Variants in NRXN3 observed in about 807,000 individuals in gnomAD.
The protein encoded by NRXN3 is neurexin III.
A neutral mutation model predicts 137.6 loss-of-function variants in NRXN3; 32 were observed. That is an observed-to-expected ratio of 0.23 (90% CI 0.18 to 0.31). The LOEUF is 0.31. NRXN3 is among the 10% of genes least tolerant of loss of function. The probability of loss-of-function intolerance (pLI) is 1.00; values close to 1 mark genes in which losing one functional copy is unlikely to be tolerated. For synonymous variants in NRXN3, 798 were observed against 784.5 expected (o/e 1.02, Z -0.29); for missense variants, 1,574 against 2,062.5 (o/e 0.76, Z 4.59).
At chr14:79,003,642 T>C (rs2099546256) in intron 15 of NRXN3, among the ~76,000 whole-genome samples, 1 of 152,142 alleles carries the variant, frequency 6.6e-6, no homozygotes, top group Non-Finnish European at 1.5e-5. Flanking sequence ...GGGTTTCTGG[T>C]TTATTATCTG....
intron 4 of NRXN3, among the ~76,000 whole-genome samples, chr14:78,615,567 C>T (rs1406558568): frequency 6.6e-6 from 1 of 151,870 alleles, no homozygotes; most frequent in East Asian, 1.9e-4. Flanking sequence ...GCTGAGATCG[C>T]ACCACTGCAC....
intron 1 of NRXN3, among the ~76,000 whole-genome samples, chr14:78,220,501 C>T (rs747322501): frequency 2.0e-5 from 3 of 151,844 alleles, no homozygotes; most frequent in East Asian, 1.9e-4. Flanking sequence ...GAGTCAGGGA[C>T]ATGTGGGGGC....
At chr14:79,245,611 C>A (rs1251161384) in intron 15 of NRXN3, among the ~76,000 whole-genome samples, 2 of 152,094 alleles carry the variant, frequency 1.3e-5, no homozygotes, top group Admixed American at 6.6e-5. Flanking sequence ...GAGGTGATTT[C>A]TGTTACATGC....
At chr14:78,630,934 A>C (rs1304231591) in intron 4 of NRXN3, among the ~76,000 whole-genome samples, 1 of 152,190 alleles carries the variant, frequency 6.6e-6, no homozygotes, top group Non-Finnish European at 1.5e-5. Flanking sequence ...AGATTGATGA[A>C]AACTTTCCCT....
At chr14:79,545,686 T>C (rs536332234) in intron 16 of NRXN3, among the ~76,000 whole-genome samples, 1 of 152,040 alleles carries the variant, frequency 6.6e-6, no homozygotes, top group Admixed American at 6.6e-5. Flanking sequence ...TTTGTTGTTG[T>C]TGTTTTTTCA....
At chr14:79,752,020 G>T (rs887447435) in intron 19 of NRXN3, among the ~76,000 whole-genome samples, 3 of 152,086 alleles carry the variant, frequency 2.0e-5, no homozygotes, top group Non-Finnish European at 4.4e-5. Flanking sequence ...CAAGGATATT[G>T]GTCTAAAATT....
intron 3 of NRXN3, among the ~76,000 whole-genome samples, chr14:78,281,907 T>C (rs2074459744): frequency 6.6e-6 from 1 of 152,136 alleles, no homozygotes; most frequent in Non-Finnish European, 1.5e-5. Flanking sequence ...CCAGGCTGTG[T>C]CCTATTTGTG....
chr14:79,308,330 T>A (rs996245956), intron 15 of NRXN3, among the ~76,000 whole-genome samples: 3 of 152,178 alleles, frequency 2.0e-5, no homozygotes, highest in African/African-American at 7.2e-5. Flanking sequence ...TGCCTCAAGT[T>A]CCCAAAGCTA....
intron 8 of NRXN3, among the ~76,000 whole-genome samples, chr14:78,759,262 GTGATAACAACAAGAA>G (rs1214144216): frequency 6.6e-6 from 1 of 152,174 alleles, no homozygotes; most frequent in Non-Finnish European, 1.5e-5. Context: ...GTAATAGGTA[GTGATAACAACAAGAA>G]TGATAACAAC....
At position 78,991,454 on chromosome 14, in the gene NRXN3, T is replaced by G. The variant is rs532738919; in HGVS notation, c.3262+3313T>G. Among the ~76,000 whole-genome samples the G allele has an allele frequency of 2.6e-5, 4 of 152,328 alleles. No individual in the cohort carries two copies. In the South Asian group the frequency reaches 8.3e-4, roughly 32 times the overall value. On this transcript the variant is annotated intron_variant, in intron 15 of 20. Transcript: ENST00000335750. ...CATGCAAATAGGTTAGAGATGAAATTTAATTGTAAAAAGCATTTTGTGGGG... is the reference window on the plus strand; with the variant it reads ...CATGCAAATAGGTTAGAGATGAAATGTAATTGTAAAAAGCATTTTGTGGGG...
intron 15 of NRXN3, among the ~76,000 whole-genome samples, chr14:79,078,477 A>AT (rs2152744738): frequency 6.6e-6 from 1 of 152,320 alleles, no homozygotes; most frequent in South Asian, 2.1e-4. Flanking sequence ...CAGAACTCTA[A>AT]TGCAAAATGA....
At chr14:78,786,180 G>A (rs1030524816) in intron 8 of NRXN3, among the ~76,000 whole-genome samples, 1 of 152,134 alleles carries the variant, frequency 6.6e-6, no homozygotes, top group Non-Finnish European at 1.5e-5. Context: ...ACAATGCCTG[G>A]AACAATAGTA....
intron 4 of NRXN3, among the ~76,000 whole-genome samples, chr14:78,355,712 G>A (rs1406471805): frequency 6.6e-6 from 1 of 152,178 alleles, no homozygotes; most frequent in East Asian, 1.9e-4. Context: ...TAGCCACCAC[G>A]CCCTGCCAAC....
intron 4 of NRXN3, among the ~76,000 whole-genome samples, chr14:78,451,168 G>A (rs943181412): frequency 6.6e-6 from 1 of 152,184 alleles, no homozygotes; most frequent in African/African-American, 2.4e-5. Context: ...ACAGAGTGTG[G>A]AGTGGCACAA....
chr14:79,559,612 C>G (rs2097468165), intron 16 of NRXN3, among the ~76,000 whole-genome samples: 1 of 151,882 alleles, frequency 6.6e-6, no homozygotes, highest in Non-Finnish European at 1.5e-5. Flanking sequence ...GTGAGAATTA[C>G]CAAGATGTGA....
intron 19 of NRXN3, among the ~76,000 whole-genome samples, chr14:79,749,642 C>A (rs1376181999): frequency 6.6e-6 from 1 of 152,116 alleles, no homozygotes. Flanking sequence ...ATCTTCCAAT[C>A]TCTTTGCCTG....
chr14:79,049,072 A>T (rs7160529), intron 15 of NRXN3, among the ~76,000 whole-genome samples: 12,021 of 41,384 alleles, frequency 0.29, 2,010 homozygotes, highest in African/African-American at 0.39. Flanking sequence ...AAAAAAAAAA[A>T]AATAATAATA....
chr14:79,532,215 G>A (rs978224028), intron 16 of NRXN3, among the ~76,000 whole-genome samples: 3 of 152,146 alleles, frequency 2.0e-5, no homozygotes, highest in Non-Finnish European at 4.4e-5. Flanking sequence ...AAATGAACAC[G>A]TGTGTATGTC....
At chr14:78,401,083 C>T (rs1445053730) in intron 4 of NRXN3, among the ~76,000 whole-genome samples, 1 of 152,208 alleles carries the variant, frequency 6.6e-6, no homozygotes, top group East Asian at 1.9e-4. Context: ...TCTGTCCTCA[C>T]ACGGTAAAAG....
Sources: gnomAD v4.1 joint callset for allele counts (sites outside exome capture counted in the v4.1 genomes callset) on GRCh38, gnomAD v4.1.1 for gene constraint, MANE v1.5 for transcripts, NCBI Gene and HGNC (gene_info 2026-07-23, HGNC 2026-07-21) for gene names.